HMCN1: variants seen among roughly 807,000 people sequenced by gnomAD.
The protein encoded by HMCN1 is hemicentin-1.
A neutral mutation model predicts 625.9 loss-of-function variants in HMCN1; 321 were observed. The observed-to-expected ratio is 0.51, with a 90% CI of 0.47 to 0.56. HMCN1 has a LOEUF of 0.56. Ranked by LOEUF, HMCN1 falls within the 20% of genes least tolerant of loss-of-function variation. The probability of loss-of-function intolerance (pLI) is 0.00; values close to 1 mark genes in which losing one functional copy is unlikely to be tolerated. For missense variants in HMCN1, 6,588 were observed against 6,887.3 expected, an observed-to-expected ratio of 0.96 and a Z score of 1.54; for synonymous variants, 2,425 against 2,417.6, an observed-to-expected ratio of 1.00 and a Z score of -0.09.
chr1:185,963,047 C>A (rs906814686), intron 12 of HMCN1, among the ~76,000 whole-genome samples: 1 of 152,110 alleles, frequency 6.6e-6, no homozygotes, highest in African/African-American at 2.4e-5. Context: ...CAAGAACAGA[C>A]CAGTAGCTCT....
intron 57 of HMCN1, among the ~76,000 whole-genome samples, chr1:186,085,666 A>G (rs999252392): frequency 6.6e-6 from 1 of 152,056 alleles, no homozygotes; most frequent in Non-Finnish European, 1.5e-5. Context: ...GAGAAAGCAT[A>G]TTCTAGAAAT....
intron 89 of HMCN1, among the ~76,000 whole-genome samples, chr1:186,141,193 G>A (rs777081958): frequency 7.9e-5 from 12 of 152,160 alleles, no homozygotes; most frequent in Non-Finnish European, 1.8e-4. Flanking sequence ...GACAGGAGAC[G>A]GAGTTCGTGG....
chr1:185,770,956 C>T (rs6686746), intron 1 of HMCN1, among the ~76,000 whole-genome samples: 4,781 of 152,138 alleles, frequency 0.031, 265 homozygotes, highest in African/African-American at 0.11. Context: ...TGGGGCCTAT[C>T]GCAGTTTTGT....
chr1:186,134,595 A>G (rs1649480305), intron 86 of HMCN1, among the ~76,000 whole-genome samples: 1 of 152,202 alleles, frequency 6.6e-6, no homozygotes, highest in African/African-American at 2.4e-5. Flanking sequence ...CAAACCTCAC[A>G]TGAAGGAATT....
At chr1:185,830,327 CG>C (rs1660780892) in intron 1 of HMCN1, among the ~76,000 whole-genome samples, 1 of 151,990 alleles carries the variant, frequency 6.6e-6, no homozygotes, top group Non-Finnish European at 1.5e-5. Context: ...TTGCCCGTGC[CG>C]TATGTCCTGA....
Position 186,182,220 on chromosome 1 carries a change from C to A in HMCN1, c.16347C>A (p.Thr5449=), listed in dbSNP as rs1329524392. 6.2e-7 allele frequency: 1 copy of A among 1,613,288 alleles called. No homozygotes were observed. Residue 5449 remains threonine (T), a synonymous_variant, in exon 105 of 107, where the codon ACC becomes ACA. Transcript: ENST00000271588. ...TDACQHECKN[T]FGSYQCICPP... ...CCTGCCAGCATGAGTGTAAGAATAC[C>A]TTTGGAAGTTATCAGTGCATCTGCC...
intron 36 of HMCN1, among the ~76,000 whole-genome samples, chr1:186,037,650 T>C (rs1655924987): frequency 6.6e-6 from 1 of 152,140 alleles, no homozygotes; most frequent in Admixed American, 6.6e-5. Flanking sequence ...TTAAGTAAAA[T>C]AAAAAATGTT....
chr1:186,037,000 A>G (rs1377854364), intron 36 of HMCN1, among the ~76,000 whole-genome samples: 1 of 152,082 alleles, frequency 6.6e-6, no homozygotes, highest in Admixed American at 6.6e-5. Flanking sequence ...TATTTCTGCC[A>G]TCTTACTTAT....
chr1:185,767,163 C>T (rs903973504), intron 1 of HMCN1, among the ~76,000 whole-genome samples: 7 of 152,008 alleles, frequency 4.6e-5, no homozygotes, highest in Non-Finnish European at 8.8e-5. Context: ...GAATAACATG[C>T]TTCAGTTAAT....
At position 185,888,630 on chromosome 1, in the gene HMCN1, G is replaced by A. The variant is rs534853933; in HGVS notation, c.622-20707G>A. On this transcript the variant is annotated intron_variant, in intron 4 of 106. Transcript: ENST00000271588. The stretch of plus-strand genomic sequence containing the variant: ...GATCAGATAGTTGTAGATATGCGGC[G>A]TTATTTCTGAGGGCTCTGTTGTGTT... Among the ~76,000 whole-genome samples the A allele has an allele frequency of 2.2e-3, 320 of 147,164 alleles. 18 individuals carry two copies. In the Middle Eastern group the frequency reaches 0.031, roughly 14 times the overall value.
At chr1:185,895,975 G>A (rs779324864) in intron 4 of HMCN1, among the ~76,000 whole-genome samples, 7 of 149,106 alleles carry the variant, frequency 4.7e-5, no homozygotes, top group Admixed American at 1.3e-4. Flanking sequence ...TCTCTCTGTC[G>A]CACAGGCTAG....
intron 16 of HMCN1, among the ~76,000 whole-genome samples, chr1:185,979,440 CAAAAG>C (rs1558113196): frequency 2.0e-5 from 3 of 152,136 alleles, no homozygotes; most frequent in Admixed American, 6.6e-5. Context: ...TTAAAGGAGA[CAAAAG>C]AAAAGGAAGA....
At chr1:186,068,078 G>T (rs2102334691) in intron 50 of HMCN1, 71 bp downstream of exon 50, 1 of 1,377,946 alleles carries the variant, frequency 7.3e-7, no homozygotes, top group East Asian at 2.3e-5. Flanking sequence ...AGAATCATTG[G>T]TTACTTTTTA....
Position 186,089,643 on chromosome 1 carries a change from A to G in HMCN1, c.9727+888A>G, listed in dbSNP as rs1359832482. On this transcript the variant is annotated intron_variant, in intron 63 of 106. Coordinates refer to ENST00000271588, the MANE Select transcript of HMCN1 (RefSeq NM_031935.3). ...GCATTAATAATAACAGATGCTAATC[A>G]TGAGATATGTTGTAGGACTAAACAT... is the stretch of plus-strand genomic sequence containing the variant. 3.3e-5 allele frequency among the ~76,000 whole-genome samples: 5 copies of G among 152,042 alleles called. No homozygotes were observed. In the East Asian group the frequency reaches 9.6e-4, roughly 29 times the overall value.
In HMCN1 at chr1:186,174,642, G is replaced by A. The variant is rs1251437438; in HGVS notation, c.15943G>A (p.Asp5315Asn). The change falls in exon 103 of 107, where the codon GAC (aspartate) becomes AAC (asparagine). Residue 5315 changes from aspartate to asparagine, a missense_variant and splice_region_variant. Physicochemically the swap from Asp to Asn is conservative, Grantham distance 23. Transcript: ENST00000271588. The stretch of plus-strand genomic sequence containing the variant: ...TCAAGGAGTTGGAAGACCCTGCATG[G>A]GTAAGTTAATAGGAACTTGTTGAGC... ...RSQGVGRPCM[D>N]INECEQVPKP... 1 of 1,613,928 alleles carries A rather than the reference G, an allele frequency of 6.2e-7. No individual in the cohort carries two copies. Among genetic ancestry groups the A allele is most frequent in the East Asian group, 2.2e-5 (1 of 44,846 alleles).
chr1:186,076,954 T>A (rs1450422627), intron 54 of HMCN1, among the ~76,000 whole-genome samples: 1 of 152,208 alleles, frequency 6.6e-6, no homozygotes, highest in Admixed American at 6.6e-5. Flanking sequence ...TAAATGCTAA[T>A]ATATATTTAC....
intron 29 of HMCN1, among the ~76,000 whole-genome samples, chr1:186,006,818 C>A (rs2102092937): frequency 6.6e-6 from 1 of 151,106 alleles, no homozygotes; most frequent in East Asian, 1.9e-4. Context: ...TTAAAAAAAG[C>A]TGAAAAAAGA....
At chr1:186,075,016 A>G (rs1658721533) in intron 53 of HMCN1, 125 bp downstream of exon 53, 2 of 791,244 alleles carry the variant, frequency 2.5e-6, no homozygotes, top group East Asian at 5.4e-5. Flanking sequence ...CATGATTGAA[A>G]ATTTAGACTC....
intron 5 of HMCN1, 77 bp from the exon 6 acceptor site, chr1:185,911,597 T>C (rs1280606923): frequency 9.5e-7 from 1 of 1,049,122 alleles, no homozygotes. Context: ...GCTCTTAGTT[T>C]TATGTAGTGT....
Sources: allele counts gnomAD v4.1 joint callset (sites outside exome capture counted in the v4.1 genomes callset), GRCh38; gene constraint gnomAD v4.1.1; transcripts MANE v1.5; gene names NCBI Gene and HGNC (gene_info 2026-07-23, HGNC 2026-07-21).